The following CAMK2A variants were observed in gnomAD, a reference collection of about 807,000 sequenced individuals.
CAMK2A encodes the protein calcium/calmodulin-dependent protein kinase type II subunit alpha.
In CAMK2A, 7 loss-of-function variants were observed where a neutral mutation model predicts 79.2. The observed-to-expected ratio is 0.09, with a 90% CI of 0.05 to 0.17. The LOEUF (loss-of-function observed/expected upper bound fraction) is 0.17, where lower values mean the gene tolerates loss of function less well. Ranked by LOEUF, CAMK2A falls within the 10% of genes least tolerant of loss-of-function variation. CAMK2A has a pLI of 1.00. For missense variants in CAMK2A, 214 were observed against 646.4 expected, an observed-to-expected ratio of 0.33 and a Z score of 7.25; for synonymous variants, 242 against 251.7, an observed-to-expected ratio of 0.96 and a Z score of 0.36.
At chr5:150,226,544 C>T (rs967012327) in intron 17 of CAMK2A, among the ~76,000 whole-genome samples, 2 of 151,914 alleles carry the variant, frequency 1.3e-5, no homozygotes, top group African/African-American at 2.4e-5. Context: ...TGAGACCAGC[C>T]TGGTCAACAT....
At chr5:150,266,176 TC>T (rs1414288920) in intron 2 of CAMK2A, among the ~76,000 whole-genome samples, 1 of 151,904 alleles carries the variant, frequency 6.6e-6, no homozygotes, top group Non-Finnish European at 1.5e-5. Flanking sequence ...CTCCTGGGGC[TC>T]CCCACACACT....
At chr5:150,282,493 G>A (rs541755718) in intron 1 of CAMK2A, among the ~76,000 whole-genome samples, 19 of 152,260 alleles carry the variant, frequency 1.2e-4, no homozygotes, top group Non-Finnish European at 2.5e-4. Context: ...GCCTGTCCCT[G>A]TCCAGAGTAT....
At position 150,219,832 on chromosome 5, in the gene CAMK2A, C is replaced by T. The variant is rs900210921; in HGVS notation, c.*2878G>A. On this transcript the variant is annotated 3_prime_UTR_variant, in exon 19 of 19. Transcript: ENST00000671881. ...CTGTAAACGTGTTTTCATGCTGGAG[C>T]CAAGGTTTTGACTTGGGTTTGGATT... The T allele has an allele frequency of 2.0e-5, 3 of 151,140 alleles. No individual in the cohort carries two copies. The highest frequency in any genetic ancestry group is 7.3e-5 in the African/African-American group (3 of 41,074). 9.4% of individuals were successfully genotyped at this position (151,140 alleles called of 1,614,324 possible). A position where few individuals can be genotyped will look rare whatever the true frequency, so the allele number is the denominator to read the frequency against.
At position 150,247,834 on chromosome 5, in the gene CAMK2A, G is replaced by A. The variant is rs1171999650; in HGVS notation, c.901-20C>T. On this transcript the variant is annotated intron_variant, in intron 11 of 18. Coordinates refer to ENST00000671881, the MANE Select transcript of CAMK2A (RefSeq NM_015981.4). Reference sequence around the variant, plus strand: ...GGCTCCCTGCAAGACATAAGAAGAGGGCAGTGGGAGAGGAGGCCGGAGTGA... The same window carrying A: ...GGCTCCCTGCAAGACATAAGAAGAGAGCAGTGGGAGAGGAGGCCGGAGTGA... 1 of 1,611,680 alleles carries A rather than the reference G, an allele frequency of 6.2e-7. No individual in the cohort carries two copies. The highest frequency in any genetic ancestry group is 8.5e-7 in the Non-Finnish European group (1 of 1,178,694).
At chr5:150,255,814 TC>T (rs1407234631) in intron 6 of CAMK2A, among the ~76,000 whole-genome samples, 1 of 152,156 alleles carries the variant, frequency 6.6e-6, no homozygotes, top group East Asian at 1.9e-4. Context: ...AGGCCAGAAT[TC>T]CCCCGCCCTA....
chr5:150,239,160 G>C (rs1023101589), intron 14 of CAMK2A, among the ~76,000 whole-genome samples: 3 of 152,136 alleles, frequency 2.0e-5, no homozygotes, highest in Non-Finnish European at 4.4e-5. Context: ...CTTCAGAGGG[G>C]AGAAAAACCA....
At chr5:150,225,577 A>G (rs1217370649) in intron 17 of CAMK2A, among the ~76,000 whole-genome samples, 1 of 152,156 alleles carries the variant, frequency 6.6e-6, no homozygotes, top group Non-Finnish European at 1.5e-5. Context: ...GTTGGGCCTT[A>G]GCCTGGTCCC....
At chr5:150,231,857 G>A (rs545204449) in intron 15 of CAMK2A, among the ~76,000 whole-genome samples, 23 of 152,260 alleles carry the variant, frequency 1.5e-4, no homozygotes, top group Middle Eastern at 3.4e-3. Flanking sequence ...GCCAAAACCA[G>A]CACCACTAAG....
At chr5:150,236,152 G>T (rs1755049014) in intron 15 of CAMK2A, among the ~76,000 whole-genome samples, 1 of 152,178 alleles carries the variant, frequency 6.6e-6, no homozygotes, top group Non-Finnish European at 1.5e-5. Flanking sequence ...AGAGGATAAT[G>T]ACGGCAAATG....
At chr5:150,250,544 A>AC in intron 10 of CAMK2A, 144 bp downstream of exon 10, 1 of 1,160,704 alleles carries the variant, frequency 8.6e-7, no homozygotes, top group Non-Finnish European at 1.2e-6. Context: ...TTTCCACATT[A>AC]CCCCTGAGAA....
chr5:150,221,439 G>A lies in CAMK2A; in HGVS notation c.*1271C>T. 2.5e-6 allele frequency: 1 copy of A among 398,764 alleles called. No homozygotes were observed. Among genetic ancestry groups the A allele is most frequent in the Non-Finnish European group, 4.4e-6 (1 of 226,088 alleles). 24.7% of individuals were successfully genotyped at this position (398,764 alleles called of 1,614,324 possible). ...CACGCTCACGGGCCCCCCAGAGGTGGGTGGGGGGTGCTGGGGGCGGCACAC... is the reference window on the plus strand; with the variant it reads ...CACGCTCACGGGCCCCCCAGAGGTGAGTGGGGGGTGCTGGGGGCGGCACAC... On this transcript the variant is annotated 3_prime_UTR_variant, in exon 19 of 19. Transcript: ENST00000671881.
At chr5:150,250,083 G>A in intron 11 of CAMK2A, 143 bp downstream of exon 11, 1 of 637,526 alleles carries the variant, frequency 1.6e-6, no homozygotes, top group South Asian at 1.8e-5. Context: ...AGCCCAACCT[G>A]CTGTCCAGTA....
At chr5:150,283,070 T>C (rs1757280631) in intron 1 of CAMK2A, among the ~76,000 whole-genome samples, 1 of 152,254 alleles carries the variant, frequency 6.6e-6, no homozygotes. Context: ...GGATCTCTTC[T>C]GTCTGCTAAA....
chr5:150,284,893 G>A lies in CAMK2A; in HGVS notation c.62+4671C>T, dbSNP rs757461988. On this transcript the variant is annotated intron_variant, in intron 1 of 18. Coordinates refer to ENST00000671881, the MANE Select transcript of CAMK2A (RefSeq NM_015981.4). The surrounding 1 kb of genome is among the most constrained non-coding windows in gnomAD (Gnocchi z 5.3). ...TCCGGAGGTCTGCAATTTCCCATAT[G>A]TGCCCTCCACAGAGGGAGGCTACAG... 6.6e-6 allele frequency among the ~76,000 whole-genome samples: 1 copy of A among 152,144 alleles called. No homozygotes were observed. The highest frequency in any genetic ancestry group is 1.5e-5 in the Non-Finnish European group (1 of 68,030).
At chr5:150,240,338 C>T (rs1755282733) in intron 13 of CAMK2A, among the ~76,000 whole-genome samples, 1 of 152,176 alleles carries the variant, frequency 6.6e-6, no homozygotes, top group African/African-American at 2.4e-5. Context: ...CAAAGCAGGG[C>T]CAAGCATGGG....
chr5:150,282,623 G>C (rs1003030058), intron 1 of CAMK2A, among the ~76,000 whole-genome samples: 2 of 152,354 alleles, frequency 1.3e-5, no homozygotes, highest in Admixed American at 1.3e-4. Flanking sequence ...TCACTGGCTT[G>C]TGTGACCATG....
intron 2 of CAMK2A, among the ~76,000 whole-genome samples, chr5:150,268,121 G>A (rs946807318): frequency 4.6e-5 from 7 of 151,962 alleles, no homozygotes; most frequent in Admixed American, 6.6e-5. Flanking sequence ...CTTGTGATCC[G>A]CCCGCCTTGC....
chr5:150,269,133 A>G (rs1322503439), intron 2 of CAMK2A, among the ~76,000 whole-genome samples: 3 of 152,072 alleles, frequency 2.0e-5, no homozygotes, highest in Non-Finnish European at 4.4e-5. Context: ...ATGGTGAGAG[A>G]TCTGAGGGAA....
chr5:150,251,853 A>ATT lies in CAMK2A; in HGVS notation c.599-10_599-9insAA. 1 of 1,587,896 alleles carries ATT rather than the reference A, an allele frequency of 6.3e-7. No individual in the cohort carries two copies. Among genetic ancestry groups the ATT allele is most frequent in the Non-Finnish European group, 8.6e-7 (1 of 1,164,794 alleles). ...GATGTACAGGATGACCCCTGGAAAG[A>ATT]GGACCAGAGAACCTTCAACCCCCTG... On this transcript the variant is annotated splice_polypyrimidine_tract_variant and intron_variant, in intron 8 of 18. Coordinates refer to ENST00000671881, the MANE Select transcript of CAMK2A (RefSeq NM_015981.4).
Sources: gnomAD v4.1 joint callset for allele counts (sites outside exome capture counted in the v4.1 genomes callset) on GRCh38, gnomAD v4.1.1 for gene constraint, Gnocchi (gnomAD v3.1) non-coding constraint, MANE v1.5 for transcripts, NCBI Gene and HGNC (gene_info 2026-07-23, HGNC 2026-07-21) for gene names.